Variants in PER2 observed in about 807,000 individuals in gnomAD.
PER2 encodes the protein period circadian regulator 2.
In PER2, 66 loss-of-function variants were observed where a neutral mutation model predicts 121.0. The observed-to-expected ratio is 0.55, with a 90% CI of 0.45 to 0.67. The LOEUF is 0.67. Among genes scored for constraint, PER2 ranks in the 30% least tolerant of loss-of-function variants. PER2 has a pLI of 0.00. For synonymous variants in PER2, 684 were observed against 659.9 expected (o/e 1.04, Z -0.56); for missense variants, 1,521 against 1,635.0 (o/e 0.93, Z 1.20).
rs1484369090 is a variant in PER2 at position 238,244,236 on chromosome 2, A to G, written c.*2139T>C. On this transcript the variant is annotated 3_prime_UTR_variant, in exon 23 of 23. Transcript: ENST00000254657. The stretch of plus-strand genomic sequence containing the variant: ...CTTATTTACATATCTCTTCGGGAAT[A>G]TATTAAAAAGAAGGCTCAGTTTAAA... The G allele has an allele frequency of 1.3e-5, 2 of 152,574 alleles. No homozygotes were observed. Among genetic ancestry groups the G allele is most frequent in the Non-Finnish European group, 2.9e-5 (2 of 68,046 alleles). The allele number at this position is 152,574 out of a possible 1,614,324, so 9.5% of individuals were successfully genotyped here. A position where few individuals can be genotyped will look rare whatever the true frequency, so the allele number is the denominator to read the frequency against.
chr2:238,251,713 T>C lies in PER2; in HGVS notation c.3160A>G (p.Ser1054Gly), dbSNP rs557777962. Reference protein sequence around the residue: ...TQNSDALSTSSGLLNLLLNED... With the variant: ...TQNSDALSTSGGLLNLLLNED... ...TTCAGCAGGAGGTTTAGGAGGCCGC[T>C]TGACGTGGAAAGGGCGTCACTGTTC... is the stretch of plus-strand genomic sequence containing the variant. The change falls in exon 20 of 23, where the codon AGC becomes GGC. Residue 1054 changes from serine (S) to glycine (G), a missense_variant. Physicochemically the swap from Ser to Gly is moderately conservative, Grantham distance 56 (BLOSUM62 0). Coordinates refer to ENST00000254657, the MANE Select transcript of PER2 (RefSeq NM_022817.3). The C allele has an allele frequency of 6.8e-6, 11 of 1,614,072 alleles. No individual in the cohort carries two copies. The African/African-American group carries it at 1.2e-4, about 18-fold the overall frequency.
Position 238,262,347 on chromosome 2 carries a change from AG to A in PER2, c.1154-4del. 6.2e-7 allele frequency: 1 copy of A among 1,614,036 alleles called. No individual in the cohort carries two copies. The highest frequency in any genetic ancestry group is 8.5e-7 in the Non-Finnish European group (1 of 1,179,920). ...AGGCTGCCCGCCTGACTGCAGGACT[AG>A]GAGAGCAAAAGCCAGCATTCAGGGG... On this transcript the variant is annotated splice_region_variant and splice_polypyrimidine_tract_variant and intron_variant, in intron 10 of 22. Transcript: ENST00000254657.
the PER2 span, among the ~76,000 whole-genome samples, chr2:238,297,887 A>G: frequency 6.6e-6 from 1 of 152,196 alleles, no homozygotes; most frequent in Non-Finnish European, 1.5e-5. Flanking sequence ...CACAAGCTGC[A>G]TGAGGACATG....
upstream of PER2, among the ~76,000 whole-genome samples, chr2:238,293,044 C>CT (rs34255262): frequency 0.43 from 63,240 of 146,586 alleles, 16,104 homozygotes; most frequent in African/African-American, 0.73. Flanking sequence ...CCTTGTTTTG[C>CT]TTTTTTTTTT....
intron 18 of PER2, chr2:238,255,000 C>T (rs559791509): frequency 6.6e-6 from 1 of 151,182 alleles, no homozygotes; most frequent in Non-Finnish European, 1.4e-5. Context: ...GGGAAGAGGC[C>T]CCATCTCTAA....
intron 5 of PER2, among the ~76,000 whole-genome samples, chr2:238,272,233 T>A (rs1198567922): frequency 6.6e-6 from 1 of 152,174 alleles, no homozygotes; most frequent in Non-Finnish European, 1.5e-5. Flanking sequence ...CTCCACCCCC[T>A]GGGAGGCGCC....
intron 6 of PER2, among the ~76,000 whole-genome samples, chr2:238,269,746 C>G (rs967827464): frequency 6.6e-6 from 1 of 152,242 alleles, no homozygotes; most frequent in Non-Finnish European, 1.5e-5. Flanking sequence ...ACCAACTAAC[C>G]GACAACTGAG....
intron 1 of PER2, among the ~76,000 whole-genome samples, chr2:238,278,497 T>C (rs1044429311): frequency 6.6e-5 from 10 of 152,308 alleles, no homozygotes; most frequent in African/African-American, 2.4e-4. Flanking sequence ...CAGCCCGACA[T>C]AGAGCTGCTG....
chr2:238,246,274 A>G lies in PER2; in HGVS notation c.*101T>C, dbSNP rs1695445021. 21 of 819,152 alleles carry G rather than the reference A, an allele frequency of 2.6e-5. No individual in the cohort carries two copies. In the South Asian group the frequency reaches 4.2e-4, roughly 16 times the overall value. The allele number at this position is 819,152 out of a possible 1,614,324, so 50.7% of individuals were successfully genotyped here. ...CTAAAACAAAAAAAGCAACATGAGC[A>G]TATGTGTCCATTTCAGTGGAAACAG... On this transcript the variant is annotated 3_prime_UTR_variant, in exon 23 of 23. Coordinates refer to ENST00000254657, the MANE Select transcript of PER2 (RefSeq NM_022817.3).
intron 22 of PER2, among the ~76,000 whole-genome samples, chr2:238,247,676 A>G (rs1695485059): frequency 6.6e-6 from 1 of 152,176 alleles, no homozygotes; most frequent in Non-Finnish European, 1.5e-5. Context: ...AGGGCTGGGC[A>G]TGTGCGAAGA....
intron 12 of PER2, 51 bp from the exon 13 acceptor site, chr2:238,261,004 T>G (rs776618621): frequency 6.3e-7 from 1 of 1,595,178 alleles, no homozygotes; most frequent in South Asian, 1.1e-5. Context: ...TGCTGAGCTA[T>G]GCATGTGGCC....
In PER2 at chr2:238,278,372, G is replaced by T. The variant is rs986548061; in HGVS notation, c.-19-417C>A. Among the ~76,000 whole-genome samples the T allele has an allele frequency of 3.3e-5, 5 of 152,166 alleles. No individual in the cohort carries two copies. The East Asian group carries it at 5.8e-4, about 18-fold the overall frequency. On this transcript the variant is annotated intron_variant, in intron 1 of 22. Transcript: ENST00000254657. The stretch of plus-strand genomic sequence containing the variant: ...AGGCCAACCACACGCAGCCAAAACT[G>T]CCCTTTCATCGGGATCAATCACACG...
Position 238,245,977 on chromosome 2 carries a change from C to T in PER2, c.*398G>A, listed in dbSNP as rs913616860. 1 of 243,234 alleles carries T rather than the reference C, an allele frequency of 4.1e-6. No homozygotes were observed. The highest frequency in any genetic ancestry group is 7.8e-6 in the Non-Finnish European group (1 of 128,694). 15.1% of individuals were successfully genotyped at this position (243,234 alleles called of 1,614,324 possible). Reference sequence around the variant, plus strand: ...AGGACAAAATTTGATCTGATCCAAACACCCTGGGAAAGCTCTGGAAGCCAG... The same window carrying T: ...AGGACAAAATTTGATCTGATCCAAATACCCTGGGAAAGCTCTGGAAGCCAG... On this transcript the variant is annotated 3_prime_UTR_variant, in exon 23 of 23. Coordinates refer to ENST00000254657, the MANE Select transcript of PER2 (RefSeq NM_022817.3).
intron 22 of PER2, among the ~76,000 whole-genome samples, chr2:238,248,179 G>A (rs944410677): frequency 3.3e-5 from 5 of 152,206 alleles, no homozygotes; most frequent in Non-Finnish European, 7.3e-5. Flanking sequence ...AAGAGCACAG[G>A]GCCTGGAGAC....
At chr2:238,275,926 A>G in intron 3 of PER2, 29 bp from the exon 4 acceptor site, 1 of 1,613,588 alleles carries the variant, frequency 6.2e-7, no homozygotes, top group Non-Finnish European at 8.5e-7. Context: ...AGGCAGCCAA[A>G]TGTTAGCTTC....
At chr2:238,255,482 C>T (rs2106370306) in intron 18 of PER2, 175 bp downstream of exon 18, 3 of 714,354 alleles carry the variant, frequency 4.2e-6, no homozygotes, top group East Asian at 2.5e-5. Flanking sequence ...GAGAGCACCC[C>T]CCCGGTGGGA....
chr2:238,271,423 C>T lies in PER2; in HGVS notation c.661G>A (p.Ala221Thr), dbSNP rs79524310. 3 of 1,614,008 alleles carry T rather than the reference C, an allele frequency of 1.9e-6. No individual in the cohort carries two copies. Among genetic ancestry groups the T allele is most frequent in the Non-Finnish European group, 1.7e-6 (2 of 1,179,814 alleles). ...TCCACAAACTTGGCATCGCTGAAGG[C>T]ATCTCTTTTACAGTGAAATATGGAT... ...VASIFHCKRD[A>T]FSDAKFVEFL... Residue 221 changes from alanine (A) to threonine (T), a missense_variant, in exon 6 of 23, where the codon GCC (alanine) becomes ACC (threonine). Transcript: ENST00000254657.
intron 1 of PER2, among the ~76,000 whole-genome samples, chr2:238,286,739 A>G (rs181795840): frequency 2.6e-5 from 4 of 152,386 alleles, no homozygotes; most frequent in Admixed American, 2.6e-4. Flanking sequence ...CAGCTGTTCA[A>G]TGACCTGACA....
In PER2 at chr2:238,252,331, G is replaced by A. The variant is rs555564080; in HGVS notation, c.3112-570C>T. Among the ~76,000 whole-genome samples the A allele has an allele frequency of 1.1e-4, 16 of 152,346 alleles. No homozygotes were observed. The highest frequency in any genetic ancestry group is 2.9e-4 in the African/African-American group (12 of 41,576). On this transcript the variant is annotated intron_variant, in intron 19 of 22. Transcript: ENST00000254657. This position sits in a 1 kb window ranked among gnomAD's most constrained non-coding sequence, Gnocchi z 4.2. ...CTGGCCAAGGCAGGGAATCGCCTGA[G>A]GCCTACGGACTGCACTGCTGCTGGC...
Sources: gnomAD v4.1 joint callset for allele counts (sites outside exome capture counted in the v4.1 genomes callset) on GRCh38, gnomAD v4.1.1 for gene constraint, Gnocchi (gnomAD v3.1) non-coding constraint, MANE v1.5 for transcripts, NCBI Gene and HGNC (gene_info 2026-07-23, HGNC 2026-07-21) for gene names.